Variants in CNTNAP2 observed in about 807,000 individuals in gnomAD.
The protein encoded by CNTNAP2 is contactin-associated protein-like 2.
In CNTNAP2, 98 loss-of-function variants were observed where a neutral mutation model predicts 155.2. The ratio of observed to expected loss-of-function variants is 0.63; its 90% CI spans 0.54 to 0.75. The LOEUF is 0.75. Ranked by LOEUF, CNTNAP2 falls within the 30% of genes least tolerant of loss-of-function variation. The probability of loss-of-function intolerance (pLI) is 0.00; values close to 1 mark genes in which losing one functional copy is unlikely to be tolerated. For synonymous variants in CNTNAP2, 651 were observed against 631.2 expected (o/e 1.03, Z -0.47); for missense variants, 1,727 against 1,688.1 (o/e 1.02, Z -0.40).
At chr7:147,213,204 G>A (rs1023764610) in intron 8 of CNTNAP2, among the ~76,000 whole-genome samples, 1 of 152,098 alleles carries the variant, frequency 6.6e-6, no homozygotes, top group African/African-American at 2.4e-5. Flanking sequence ...CAATTTCTGA[G>A]GGCGGAAGAG....
At chr7:146,592,654 C>A (rs1158584285) in intron 1 of CNTNAP2, among the ~76,000 whole-genome samples, 1 of 151,950 alleles carries the variant, frequency 6.6e-6, no homozygotes, top group African/African-American at 2.4e-5. Context: ...ACCTCAAGTT[C>A]AAAAAAATCA....
At chr7:148,228,112 G>T (rs183890031) in intron 19 of CNTNAP2, among the ~76,000 whole-genome samples, 404 of 152,170 alleles carry the variant, frequency 2.7e-3, no homozygotes, top group African/African-American at 9.0e-3. Flanking sequence ...GAAATGAAAG[G>T]TGACAAATAA....
intron 4 of CNTNAP2, among the ~76,000 whole-genome samples, chr7:147,088,005 T>A (rs1800317728): frequency 6.6e-6 from 1 of 151,894 alleles, no homozygotes; most frequent in Non-Finnish European, 1.5e-5. Context: ...AAAACAGCCA[T>A]CAAGCAGACA....
At chr7:147,452,412 T>C (rs1420802295) in intron 10 of CNTNAP2, among the ~76,000 whole-genome samples, 1 of 152,182 alleles carries the variant, frequency 6.6e-6, no homozygotes, top group Non-Finnish European at 1.5e-5. Flanking sequence ...GTTTTATAGA[T>C]GAGAAATGAC....
chr7:147,554,551 T>C (rs370986401), intron 11 of CNTNAP2, among the ~76,000 whole-genome samples: 1 of 98,654 alleles, frequency 1.0e-5, no homozygotes, highest in South Asian at 2.9e-4. Flanking sequence ...GTAAAAGAAC[T>C]ACAAGCTATT....
intron 15 of CNTNAP2, among the ~76,000 whole-genome samples, chr7:148,029,577 G>A (rs996334128): frequency 5.3e-5 from 8 of 152,246 alleles, no homozygotes; most frequent in Admixed American, 2.6e-4. Context: ...CTGAAAACAC[G>A]TTGGGTAAAT....
chr7:146,328,363 A>T (rs1281129685), intron 1 of CNTNAP2, among the ~76,000 whole-genome samples: 1 of 152,116 alleles, frequency 6.6e-6, no homozygotes, highest in Non-Finnish European at 1.5e-5. Flanking sequence ...CTATCAAAAT[A>T]TCTTCTCCTT....
rs565256786 is a variant in CNTNAP2, at chr7:146,830,714, C to T, written c.209-8997C>T. On this transcript the variant is annotated intron_variant, in intron 2 of 23. Coordinates refer to ENST00000361727, the MANE Select transcript of CNTNAP2 (RefSeq NM_014141.6). Reference sequence around the variant, plus strand: ...CTGTACTGGTATAGGTTCAGGTTTCCAGCCAGTGAAAAACATTTACATCAT... The same window carrying T: ...CTGTACTGGTATAGGTTCAGGTTTCTAGCCAGTGAAAAACATTTACATCAT... Among the ~76,000 whole-genome samples, 10 of 152,154 alleles carry T rather than the reference C, an allele frequency of 6.6e-5. 1 individual carries two copies. The highest frequency in any genetic ancestry group is 2.4e-4 in the African/African-American group (10 of 41,526).
At chr7:147,984,560 CTTATGCTCTCGG>C (rs933568165) in intron 15 of CNTNAP2, among the ~76,000 whole-genome samples, 5 of 152,030 alleles carry the variant, frequency 3.3e-5, no homozygotes, top group African/African-American at 1.2e-4. Context: ...AAAAAAATCT[CTTATGCTCTCGG>C]GGAGTGGCTG....
intron 1 of CNTNAP2, among the ~76,000 whole-genome samples, chr7:146,248,018 C>T (rs1358078946): frequency 6.8e-6 from 1 of 146,362 alleles, no homozygotes; most frequent in Non-Finnish European, 1.5e-5. Flanking sequence ...GGGATCGGGG[C>T]ACAGAGATAT....
At chr7:148,249,440 A>T (rs946824638) in intron 20 of CNTNAP2, among the ~76,000 whole-genome samples, 2 of 152,014 alleles carry the variant, frequency 1.3e-5, no homozygotes, top group Non-Finnish European at 2.9e-5. Flanking sequence ...TACCATTTGT[A>T]TTCACTCCTG....
intron 1 of CNTNAP2, among the ~76,000 whole-genome samples, chr7:146,620,509 G>A (rs1428975539): frequency 6.6e-6 from 1 of 152,104 alleles, no homozygotes; most frequent in African/African-American, 2.4e-5. Flanking sequence ...AGGTTAATCA[G>A]TATTGCCAAG....
chr7:146,804,768 C>G (rs1802938329), intron 2 of CNTNAP2, among the ~76,000 whole-genome samples: 1 of 152,174 alleles, frequency 6.6e-6, no homozygotes, highest in Non-Finnish European at 1.5e-5. Flanking sequence ...TAGCTACACT[C>G]AACTGGTCTA....
At chr7:147,949,686 G>T (rs1800891797) in intron 14 of CNTNAP2, among the ~76,000 whole-genome samples, 1 of 152,078 alleles carries the variant, frequency 6.6e-6, no homozygotes, top group African/African-American at 2.4e-5. Context: ...AGGTCAGAGA[G>T]GTTTCGTACC....
At chr7:146,523,627 C>T (rs1312048412) in intron 1 of CNTNAP2, among the ~76,000 whole-genome samples, 2 of 151,930 alleles carry the variant, frequency 1.3e-5, no homozygotes, top group Middle Eastern at 3.2e-3. Context: ...TTTAAAAATG[C>T]TCATAAAGTA....
At chr7:147,888,781 A>G (rs546911702) in intron 13 of CNTNAP2, among the ~76,000 whole-genome samples, 2 of 147,730 alleles carry the variant, frequency 1.4e-5, no homozygotes, top group African/African-American at 2.5e-5. Context: ...AAACACATAT[A>G]TAAAGTCTAA....
At chr7:147,372,278 G>A (rs894630455) in intron 9 of CNTNAP2, among the ~76,000 whole-genome samples, 1 of 152,068 alleles carries the variant, frequency 6.6e-6, no homozygotes, top group African/African-American at 2.4e-5. Context: ...GCCTATTAGA[G>A]TAAAAACAGC....
At chr7:147,894,829 A>G (rs758439168) in intron 13 of CNTNAP2, among the ~76,000 whole-genome samples, 1 of 151,992 alleles carries the variant, frequency 6.6e-6, no homozygotes, top group Non-Finnish European at 1.5e-5. Flanking sequence ...TGAAAATCAC[A>G]GGTATGCACC....
Position 147,834,105 on chromosome 7 carries a change from GCTGA to G in CNTNAP2, c.2099-69457_2099-69454del, listed in dbSNP as rs150351570. Among the ~76,000 whole-genome samples the G allele has an allele frequency of 9.6e-3, 1,468 of 152,292 alleles. 29 individuals carry two copies. Among genetic ancestry groups the G allele is most frequent in the African/African-American group, 0.033 (1,387 of 41,560 alleles). On this transcript the variant is annotated intron_variant, in intron 13 of 23. Transcript: ENST00000361727. ...TAAATCAAGTCTCTTTAGCTCCTCTGCTGACTATCATGTTCTTTTTCCCTAGCTC... is the reference window on the plus strand; with the variant it reads ...TAAATCAAGTCTCTTTAGCTCCTCTGCTATCATGTTCTTTTTCCCTAGCTC...
Sources: allele counts gnomAD v4.1 joint callset (sites outside exome capture counted in the v4.1 genomes callset), GRCh38; gene constraint gnomAD v4.1.1; transcripts MANE v1.5; gene names NCBI Gene and HGNC (gene_info 2026-07-23, HGNC 2026-07-21).